TAOK3: variants seen among roughly 807,000 people sequenced by gnomAD.
TAOK3 encodes the protein serine/threonine-protein kinase TAO3.
Under a neutral mutation model 120.4 loss-of-function variants are expected in TAOK3, and 40 were observed. That is an observed-to-expected ratio of 0.33 (90% CI 0.26 to 0.43). TAOK3 has a LOEUF of 0.43. Ranked by LOEUF, TAOK3 falls within the 20% of genes least tolerant of loss-of-function variation. TAOK3 has a pLI of 1.00. For synonymous variants in TAOK3, 355 were observed against 387.5 expected (o/e 0.92, Z 0.99); for missense variants, 821 against 1,112.1 (o/e 0.74, Z 3.72).
At chr12:118,164,306 G>A (rs553671571) in intron 17 of TAOK3, among the ~76,000 whole-genome samples, 2 of 151,022 alleles carry the variant, frequency 1.3e-5, no homozygotes, top group South Asian at 4.2e-4. Context: ...CAGCCTGGGG[G>A]ACAGAGCGAG....
At chr12:118,249,927 A>G (rs2040677543) in intron 3 of TAOK3, among the ~76,000 whole-genome samples, 1 of 152,192 alleles carries the variant, frequency 6.6e-6, no homozygotes, top group South Asian at 2.1e-4. Context: ...ATATCCAGAA[A>G]GATAGAATTA....
At chr12:118,289,780 A>C (rs2042404682) in intron 1 of TAOK3, among the ~76,000 whole-genome samples, 1 of 152,162 alleles carries the variant, frequency 6.6e-6, no homozygotes, top group Non-Finnish European at 1.5e-5. Flanking sequence ...GAATCACCTG[A>C]GGTCTGGAGT....
At chr12:118,155,278 G>A (rs1439658292) in intron 19 of TAOK3, among the ~76,000 whole-genome samples, 1 of 152,226 alleles carries the variant, frequency 6.6e-6, no homozygotes, top group Non-Finnish European at 1.5e-5. Flanking sequence ...TTACAGGCAT[G>A]AGCCGCTTCG....
intron 1 of TAOK3, among the ~76,000 whole-genome samples, chr12:118,312,851 C>T (rs2043311332): frequency 6.6e-6 from 1 of 152,046 alleles, no homozygotes; most frequent in Non-Finnish European, 1.5e-5. Flanking sequence ...TGATCTAACA[C>T]AACAAAACTA....
At chr12:118,174,334 G>A (rs2036188716) in intron 16 of TAOK3, among the ~76,000 whole-genome samples, 1 of 150,714 alleles carries the variant, frequency 6.6e-6, no homozygotes, top group Non-Finnish European at 1.5e-5. Context: ...ATTAGCTTTT[G>A]CATAGAATGG....
At chr12:118,238,582 A>G (rs2040115276) in intron 6 of TAOK3, among the ~76,000 whole-genome samples, 1 of 151,944 alleles carries the variant, frequency 6.6e-6, no homozygotes, top group African/African-American at 2.4e-5. Flanking sequence ...GGTTTTCATT[A>G]TTTGTGAAAG....
At chr12:118,311,442 C>CAG (rs939256231) in intron 1 of TAOK3, among the ~76,000 whole-genome samples, 3 of 151,888 alleles carry the variant, frequency 2.0e-5, no homozygotes, top group African/African-American at 7.3e-5. Context: ...GCCTGGGTGA[C>CAG]AGAGAGAGAC....
chr12:118,231,109 G>A (rs988962169), intron 9 of TAOK3, among the ~76,000 whole-genome samples: 2 of 152,130 alleles, frequency 1.3e-5, no homozygotes, highest in Non-Finnish European at 2.9e-5. Flanking sequence ...ACATATATAC[G>A]TTACCTTGGG....
At chr12:118,266,859 A>G (rs995834628) in intron 1 of TAOK3, 100 bp from the exon 2 acceptor site, 2 of 382,154 alleles carry the variant, frequency 5.2e-6, no homozygotes, top group Non-Finnish European at 9.2e-6. Flanking sequence ...GTAATATTAC[A>G]AAGTTAAAAT....
At chr12:118,199,977 A>G (rs1313174524) in intron 12 of TAOK3, 1 of 152,256 alleles carries the variant, frequency 6.6e-6, no homozygotes, top group African/African-American at 2.4e-5. Context: ...ATAAGATTGA[A>G]TAATAAAATT....
chr12:118,350,114 AC>A (rs1218296802), intron 1 of TAOK3, among the ~76,000 whole-genome samples: 1 of 152,206 alleles, frequency 6.6e-6, no homozygotes, highest in African/African-American at 2.4e-5. Flanking sequence ...CCATAACTTC[AC>A]TGAATAGTCC....
chr12:118,226,340 C>CA (rs1227277967), intron 9 of TAOK3, among the ~76,000 whole-genome samples: 1 of 152,068 alleles, frequency 6.6e-6, no homozygotes, highest in Non-Finnish European at 1.5e-5. Context: ...TGCGCCACTG[C>CA]ACTCCAGCCT....
intron 1 of TAOK3, among the ~76,000 whole-genome samples, chr12:118,365,099 C>A (rs2045706599): frequency 6.6e-6 from 1 of 152,180 alleles, no homozygotes; most frequent in South Asian, 2.1e-4. Flanking sequence ...AGTAAAGGGG[C>A]CAAAATAGGT....
chr12:118,156,455 C>T (rs1422254713), intron 19 of TAOK3, among the ~76,000 whole-genome samples: 1 of 152,044 alleles, frequency 6.6e-6, no homozygotes, highest in Non-Finnish European at 1.5e-5. Flanking sequence ...GGGCCCTCTT[C>T]TTCCTCTAAC....
intron 1 of TAOK3, among the ~76,000 whole-genome samples, chr12:118,334,410 T>C (rs942077240): frequency 3.3e-5 from 5 of 152,150 alleles, no homozygotes; most frequent in African/African-American, 1.2e-4. Context: ...ATAAGCTATC[T>C]AAAATAATCT....
At chr12:118,353,501 A>G (rs2045263182) in intron 1 of TAOK3, among the ~76,000 whole-genome samples, 1 of 152,036 alleles carries the variant, frequency 6.6e-6, no homozygotes, top group Non-Finnish European at 1.5e-5. Context: ...GTCAAGCAGA[A>G]GAAGTTAGAT....
intron 7 of TAOK3, chr12:118,236,659 T>C (rs1395507662): frequency 6.6e-6 from 1 of 152,100 alleles, no homozygotes; most frequent in East Asian, 1.9e-4. Context: ...TTCAGTTTCC[T>C]TCCTCATGGT....
chr12:118,151,285 G>GCACACA lies in TAOK3; in HGVS notation c.2536-128_2536-127insTGTGTG, dbSNP rs1555282496. The GCACACA allele has an allele frequency of 4.7e-5, 29 of 612,436 alleles. No homozygotes were observed. In the Admixed American group the frequency reaches 5.7e-4, roughly 12 times the overall value. 37.9% of individuals were successfully genotyped at this position (612,436 alleles called of 1,614,324 possible). A position where few individuals can be genotyped will look rare whatever the true frequency, so the allele number is the denominator to read the frequency against. On this transcript the variant is annotated intron_variant, in intron 20 of 20. Transcript: ENST00000392533. ...ATAGGCACACACATGAAGTGCGCGC[G>GCACACA]CGCGCACACACACACACACACACAC...
At chr12:118,365,530 A>G (rs1232948919) in intron 1 of TAOK3, among the ~76,000 whole-genome samples, 1 of 152,210 alleles carries the variant, frequency 6.6e-6, no homozygotes, top group African/African-American at 2.4e-5. Context: ...TGCTGGGATT[A>G]CAGGTGTGCC....
Sources: allele counts gnomAD v4.1 joint callset (sites outside exome capture counted in the v4.1 genomes callset), GRCh38; gene constraint gnomAD v4.1.1; transcripts MANE v1.5; gene names NCBI Gene and HGNC (gene_info 2026-07-23, HGNC 2026-07-21).